The following SMARCD3 variants were observed in gnomAD, a reference collection of about 807,000 sequenced individuals.
The protein encoded by SMARCD3 is SWI/SNF related BAF chromatin remodeling complex subunit D3.
A neutral mutation model predicts 58.0 loss-of-function variants in SMARCD3; 14 were observed. The ratio of observed to expected loss-of-function variants is 0.24; its 90% confidence interval spans 0.16 to 0.38. The LOEUF is 0.38. Among genes scored for constraint, SMARCD3 ranks in the 10% least tolerant of loss-of-function variants. The pLI, the probability that SMARCD3 is intolerant of heterozygous loss-of-function variation, is 1.00. For synonymous variants in SMARCD3, 253 were observed against 253.8 expected (o/e 1.00, Z 0.03); for missense variants, 408 against 636.9 (o/e 0.64, Z 3.87).
rs369969827 is a variant in SMARCD3 at position 151,239,733 on chromosome 7, A to G, written c.1187T>C (p.Ile396Thr). The G allele has an allele frequency of 6.4e-5, 103 of 1,613,674 alleles. No individual in the cohort carries two copies. Among genetic ancestry groups the G allele is most frequent in the East Asian group, 1.3e-4 (6 of 44,858 alleles). The change falls in exon 11 of 13, where the codon ATT becomes ACT. Residue 396 changes from isoleucine to threonine, a missense_variant. Coordinates refer to ENST00000262188, the MANE Select transcript of SMARCD3 (RefSeq NM_001003801.2). This position sits in a 1 kb window ranked among gnomAD's most constrained non-coding sequence, Gnocchi z 7.0. ...GATCTTGAGCTGGTTTATGGACTCA[A>G]TCGTCTCATGGATCTGCAGGTAGAA... ...SALDSKIHET[I>T]ESINQLKIQR...
chr7:151,252,302 G>A (rs2150602216), upstream of SMARCD3, among the ~76,000 whole-genome samples: 1 of 152,212 alleles, frequency 6.6e-6, no homozygotes, highest in South Asian at 2.1e-4. Flanking sequence ...AAGCGAGACT[G>A]GAGGGAGAAC....
chr7:151,240,705 A>T, intron 8 of SMARCD3, 183 bp from the exon 9 acceptor site: 1 of 534,210 alleles, frequency 1.9e-6, no homozygotes, highest in Non-Finnish European at 3.4e-6. Context: ...GGCTGACAAG[A>T]TAGGGGGTGG....
intron 1 of SMARCD3, chr7:151,275,329 C>A (rs1345555819): frequency 1.6e-6 from 1 of 638,686 alleles, no homozygotes; most frequent in Non-Finnish European, 2.9e-6. Context: ...GCCAAACTCC[C>A]CGGAGTGGAG....
chr7:151,254,533 G>A (rs1474557654), intron 2 of SMARCD3: 1 of 152,430 alleles, frequency 6.6e-6, no homozygotes, highest in Non-Finnish European at 1.5e-5. Flanking sequence ...CGCTTCACCA[G>A]GGCTTTGGGC....
chr7:151,248,334 C>G lies in SMARCD3; in HGVS notation c.78+151G>C, dbSNP rs1472186093. 2 of 656,014 alleles carry G rather than the reference C, an allele frequency of 3.0e-6. No individual in the cohort carries two copies. Among genetic ancestry groups the G allele is most frequent in the Admixed American group, 2.7e-5 (1 of 36,946 alleles). 40.6% of individuals were successfully genotyped at this position (656,014 alleles called of 1,614,324 possible). A position where few individuals can be genotyped will look rare whatever the true frequency, so the allele number is the denominator to read the frequency against. On this transcript the variant is annotated intron_variant, in intron 1 of 12. Transcript: ENST00000262188. The surrounding 1 kb of genome is among the most constrained non-coding windows in gnomAD (Gnocchi z 6.1). ...GGCGACGTGTTCGGGTGCCAGGGCG[C>G]CAGCACAGTCCCGCGGCCGGGCCGT...
chr7:151,261,467 C>T (rs998154949), intron 2 of SMARCD3, among the ~76,000 whole-genome samples: 1 of 152,208 alleles, frequency 6.6e-6, no homozygotes, highest in Admixed American at 6.5e-5. Context: ...CCTGACCTGT[C>T]TGAGCCTCAA....
At chr7:151,254,025 A>G (rs1198942733) in intron 2 of SMARCD3, among the ~76,000 whole-genome samples, 1 of 152,200 alleles carries the variant, frequency 6.6e-6, no homozygotes, top group African/African-American at 2.4e-5. Context: ...CAGGGCAAAC[A>G]CAAGGGGATC....
At chr7:151,270,726 A>C (rs4725399) in intron 2 of SMARCD3, among the ~76,000 whole-genome samples, 2,697 of 152,214 alleles carry the variant, frequency 0.018, 74 homozygotes, top group African/African-American at 0.062. Context: ...AGCCACTAGG[A>C]AGTGGAAGGC....
intron 2 of SMARCD3, among the ~76,000 whole-genome samples, chr7:151,267,560 A>T (rs142481031): frequency 5.7e-4 from 87 of 152,350 alleles, no homozygotes; most frequent in African/African-American, 1.9e-3. Flanking sequence ...AGCAGCCATC[A>T]TGAGGATTTA....
At position 151,248,492 on chromosome 7, in the gene SMARCD3, T is replaced by G; in HGVS notation, c.71A>C (p.His24Pro). The change falls in exon 1 of 13, where the codon CAT becomes CCT. Residue 24 changes from histidine to proline, a missense_variant. Transcript: ENST00000262188. The surrounding 1 kb of genome is among the most constrained non-coding windows in gnomAD (Gnocchi z 6.1). The stretch of plus-strand genomic sequence containing the variant: ...TAACTTTCCCCCACTCACCACCCCA[T>G]GGACCAGAAACTCAAAAAGTTTGCT... The part of the protein sequence containing the change: ...TKSKLFEFLV[H>P]GVRPGMPSGA... 1 of 1,610,232 alleles carries G rather than the reference T, an allele frequency of 6.2e-7. No individual in the cohort carries two copies. Among genetic ancestry groups the G allele is most frequent in the Non-Finnish European group, 8.5e-7 (1 of 1,177,560 alleles).
At chr7:151,251,018 C>T (rs1467107432), upstream of SMARCD3, among the ~76,000 whole-genome samples, 1 of 152,196 alleles carries the variant, frequency 6.6e-6, no homozygotes, top group Non-Finnish European at 1.5e-5. Context: ...TTTGTTAAAG[C>T]TCAGTGTTCT....
chr7:151,248,797 G>A (rs1171149719), upstream of SMARCD3: 9 of 616,174 alleles, frequency 1.5e-5, no homozygotes, highest in African/African-American at 6.0e-5. The surrounding 1 kb of genome is among the most constrained non-coding windows in gnomAD (Gnocchi z 6.1). Flanking sequence ...TTCCTGCACT[G>A]ATAAGACAGA....
chr7:151,249,536 G>A (rs1438595156), upstream of SMARCD3: 1 of 152,204 alleles, frequency 6.6e-6, no homozygotes, highest in Non-Finnish European at 1.5e-5. The surrounding 1 kb of genome is among the most constrained non-coding windows in gnomAD (Gnocchi z 4.8). Flanking sequence ...AGAGGGACAG[G>A]GATTGTGCTC....
At chr7:151,275,657 G>A (rs974680258) in intron 1 of SMARCD3, among the ~76,000 whole-genome samples, 3 of 152,138 alleles carry the variant, frequency 2.0e-5, no homozygotes, top group African/African-American at 7.2e-5. Flanking sequence ...TGGAGCCCAG[G>A]GGCATGGAGG....
At position 151,242,453 on chromosome 7, in the gene SMARCD3, A is replaced by C; in HGVS notation, c.579+28T>G. 6.2e-7 allele frequency: 1 copy of C among 1,609,094 alleles called. No homozygotes were observed. Among genetic ancestry groups the C allele is most frequent in the Admixed American group, 1.7e-5 (1 of 59,984 alleles). On this transcript the variant is annotated intron_variant, in intron 5 of 12. Coordinates refer to ENST00000262188, the MANE Select transcript of SMARCD3 (RefSeq NM_001003801.2). The surrounding 1 kb of genome is among the most constrained non-coding windows in gnomAD (Gnocchi z 4.7). ...GTGCAGCCCATGCCCACCCCAGGAC[A>C]CCTGGAGAGACCTGGGCCGGGACGT...
Position 151,242,659 on chromosome 7 carries a change from C to T in SMARCD3, c.457-56G>A. ...TGCTGTGTGCTCCCACCCCGACCAC[C>T]CTGCTTCCCCATCCTGGTCACACAA... On this transcript the variant is annotated intron_variant, in intron 4 of 12. Coordinates refer to ENST00000262188, the MANE Select transcript of SMARCD3 (RefSeq NM_001003801.2). This position sits in a 1 kb window ranked among gnomAD's most constrained non-coding sequence, Gnocchi z 4.7. The T allele has an allele frequency of 6.2e-7, 1 of 1,612,374 alleles. No homozygotes were observed. Among genetic ancestry groups the T allele is most frequent in the Non-Finnish European group, 8.5e-7 (1 of 1,178,546 alleles).
chr7:151,275,616 G>A lies in SMARCD3; in HGVS notation c.-99-365C>T, dbSNP rs77271935. 7.1e-3 allele frequency among the ~76,000 whole-genome samples: 1,078 copies of A among 152,282 alleles called. 8 individuals carry two copies. The highest frequency in any genetic ancestry group is 0.024 in the African/African-American group (1,012 of 41,562). ...CTGGGCATTGGAGGCAAAGGCCAGA[G>A]GGCAGGTCAGGATGGTAACTGGGAT... is the stretch of plus-strand genomic sequence containing the variant. On this transcript the variant is annotated intron_variant, in intron 1 of 13. Coordinates refer to the SMARCD3 transcript ENST00000356800.
intron 2 of SMARCD3, among the ~76,000 whole-genome samples, chr7:151,274,496 C>A (rs992542068): frequency 3.3e-5 from 5 of 152,188 alleles, no homozygotes; most frequent in African/African-American, 1.2e-4. Flanking sequence ...AGCTAGAGGT[C>A]CGCCTGGGGC....
At position 151,245,516 on chromosome 7, in the gene SMARCD3, C is replaced by T. The variant is rs1038183219; in HGVS notation, c.234G>A (p.Gln78=). Residue 78 remains glutamine, a synonymous_variant, in exon 2 of 13, where the codon CAG becomes CAA. Coordinates refer to ENST00000262188, the MANE Select transcript of SMARCD3 (RefSeq NM_001003801.2). This position sits in a 1 kb window ranked among gnomAD's most constrained non-coding sequence, Gnocchi z 6.2. ...ARKRAAPPPG[Q]SQAQSQGQPV... is the part of the protein sequence containing the mutation. ...GCTGGCCCTGGCTCTGTGCCTGGCT[C>T]TGCCCGGGCGGGGGCGCTGCTCGCT... The T allele has an allele frequency of 4.8e-4, 583 of 1,223,886 alleles. No individual in the cohort carries two copies. The highest frequency in any genetic ancestry group is 4.6e-4 in the Non-Finnish European group (451 of 982,194). The allele number at this position is 1,223,886 out of a possible 1,614,324, so 75.8% of individuals were successfully genotyped here.
Sources: gnomAD v4.1 joint callset for allele counts (sites outside exome capture counted in the v4.1 genomes callset) on GRCh38, gnomAD v4.1.1 for gene constraint, Gnocchi (gnomAD v3.1) non-coding constraint, MANE v1.5 for transcripts, NCBI Gene and HGNC (gene_info 2026-07-23, HGNC 2026-07-21) for gene names.